Variants in SLC12A8 observed in about 807,000 individuals in gnomAD.
SLC12A8 encodes the protein solute carrier family 12 member 8, also known as cation-chloride cotransporter 9.
In SLC12A8, 69 loss-of-function variants were observed where a neutral mutation model predicts 75.6. The observed-to-expected ratio is 0.91, with a 90% confidence interval of 0.75 to 1.11. The LOEUF (loss-of-function observed/expected upper bound fraction) is 1.11, where lower values mean the gene tolerates loss of function less well. SLC12A8 is among the 50% of genes most tolerant of loss of function. The pLI is 0.00. For missense variants in SLC12A8, 877 were observed against 896.7 expected, an observed-to-expected ratio of 0.98 and a Z score of 0.28; for synonymous variants, 365 against 372.8, an observed-to-expected ratio of 0.98 and a Z score of 0.24.
At chr3:125,165,026 G>T (rs1478072645) in intron 5 of SLC12A8, among the ~76,000 whole-genome samples, 2 of 152,232 alleles carry the variant, frequency 1.3e-5, no homozygotes, top group Non-Finnish European at 2.9e-5. Context: ...GGCCAGGAAG[G>T]TGGCTGGAGA....
rs76239445 is a variant in SLC12A8, at chr3:125,158,947, A to G, written c.622+18796T>C. ...AGACTCAGAAATCTGTTTACAAAGCACTATTCAGATTTCCACAAATGGTCC... is the reference window on the plus strand; with the variant it reads ...AGACTCAGAAATCTGTTTACAAAGCGCTATTCAGATTTCCACAAATGGTCC... On this transcript the variant is annotated intron_variant, in intron 5 of 13. Coordinates refer to ENST00000469902, the MANE Select transcript of SLC12A8 (RefSeq NM_024628.6). 4.0e-3 allele frequency among the ~76,000 whole-genome samples: 611 copies of G among 152,330 alleles called. 7 individuals are homozygous for G. The highest frequency in any genetic ancestry group is 0.014 in the African/African-American group (588 of 41,560).
At chr3:125,145,027 A>T (rs1933739792) in intron 5 of SLC12A8, among the ~76,000 whole-genome samples, 1 of 152,218 alleles carries the variant, frequency 6.6e-6, no homozygotes, top group Admixed American at 6.5e-5. Context: ...GGCCTCCCTC[A>T]GAATGCCATG....
At chr3:125,141,634 C>T (rs1005125319) in intron 5 of SLC12A8, among the ~76,000 whole-genome samples, 2 of 152,130 alleles carry the variant, frequency 1.3e-5, no homozygotes, top group Non-Finnish European at 2.9e-5. Context: ...TGTTGACTAA[C>T]TTAGAAAGCG....
At chr3:125,088,743 T>C (rs964410696) in intron 12 of SLC12A8, among the ~76,000 whole-genome samples, 1 of 152,242 alleles carries the variant, frequency 6.6e-6, no homozygotes, top group Non-Finnish European at 1.5e-5. Flanking sequence ...TAAAATTTTC[T>C]ACTAGACCAT....
intron 2 of SLC12A8, among the ~76,000 whole-genome samples, chr3:125,195,462 G>A (rs1462191594): frequency 1.3e-5 from 2 of 152,232 alleles, no homozygotes; most frequent in Non-Finnish European, 2.9e-5. Flanking sequence ...GATCTGGGCA[G>A]CACCCTTGGT....
At position 125,187,385 on chromosome 3, in the gene SLC12A8, AC is replaced by A; in HGVS notation, c.241del (p.Val81SerfsTer29). On this transcript the variant is annotated frameshift_variant, in exon 4 of 14. Transcript: ENST00000469902. LOFTEE classifies it high-confidence loss of function. The stretch of plus-strand genomic sequence containing the variant: ...CACCGTGACGAGGGCCACCAGGATG[AC>A]GAAGGACACCAGGAACATGCCCAGG... Reference protein sequence around the residue: ...VLLGMFLVSFVILVALVTVLS... With the variant: ...VLLGMFLVSFXILVALVTVLS... 1 of 1,614,168 alleles carries A rather than the reference AC, an allele frequency of 6.2e-7. No individual in the cohort carries two copies. Among genetic ancestry groups the A allele is most frequent in the Non-Finnish European group, 8.5e-7 (1 of 1,180,030 alleles).
Position 125,163,395 on chromosome 3 carries a change from C to T in SLC12A8, c.622+14348G>A, listed in dbSNP as rs145231240. 3.6e-3 allele frequency among the ~76,000 whole-genome samples: 542 copies of T among 151,932 alleles called. 21 individuals are homozygous for T. Among genetic ancestry groups the T allele is most frequent in the Admixed American group, 0.034 (516 of 15,268 alleles). On this transcript the variant is annotated intron_variant, in intron 5 of 13. Transcript: ENST00000469902. ...GGCCGAGGTGGACGGATCACGAGGT[C>T]GGGAGATCGAGACCATCCTGACTAA...
At chr3:125,202,199 C>T (rs1372169562) in intron 2 of SLC12A8, among the ~76,000 whole-genome samples, 1 of 152,218 alleles carries the variant, frequency 6.6e-6, no homozygotes. Context: ...CATGAGCCAC[C>T]TCGCCCAGCC....
chr3:125,163,271 A>G (rs816326), intron 5 of SLC12A8, among the ~76,000 whole-genome samples: 125,550 of 151,788 alleles, frequency 0.83, 52,020 homozygotes, highest in African/African-American at 0.85. Flanking sequence ...CTGCACTCTA[A>G]CCTGGGTGAG....
chr3:125,196,617 T>C (rs683902), intron 2 of SLC12A8, among the ~76,000 whole-genome samples: 139,953 of 152,232 alleles, frequency 0.92, 64,944 homozygotes, highest in South Asian at 0.98. Flanking sequence ...ATTTACATTC[T>C]TTCCCTCTGC....
intron 8 of SLC12A8, 56 bp downstream of exon 8, chr3:125,118,713 A>C (rs1932962083): frequency 3.0e-6 from 4 of 1,346,446 alleles, no homozygotes; most frequent in Non-Finnish European, 3.2e-6. Flanking sequence ...TGTTGGTGAG[A>C]ACAAATAAAT....
chr3:125,201,091 T>G (rs988965435), intron 2 of SLC12A8, among the ~76,000 whole-genome samples: 2 of 152,084 alleles, frequency 1.3e-5, no homozygotes, highest in African/African-American at 4.8e-5. Context: ...GAAGAAGACA[T>G]TCACACAACA....
intron 3 of SLC12A8, 119 bp from the exon 4 acceptor site, chr3:125,187,547 G>T: frequency 1.1e-6 from 1 of 871,234 alleles, no homozygotes; most frequent in Non-Finnish European, 1.8e-6. Context: ...CCAGGGGTGG[G>T]GGCACAGAGT....
chr3:125,103,126 C>T (rs187903319), intron 10 of SLC12A8, among the ~76,000 whole-genome samples: 1 of 152,260 alleles, frequency 6.6e-6, no homozygotes, highest in East Asian at 1.9e-4. Flanking sequence ...CTTGGCACAG[C>T]AGGCACAGCA....
At chr3:125,105,875 C>T (rs896218735) in intron 10 of SLC12A8, among the ~76,000 whole-genome samples, 1 of 152,034 alleles carries the variant, frequency 6.6e-6, no homozygotes, top group Admixed American at 6.6e-5. Context: ...ACTAAAAATA[C>T]AAAAATTAGC....
At chr3:125,198,988 C>T (rs967180045) in intron 2 of SLC12A8, among the ~76,000 whole-genome samples, 13 of 152,060 alleles carry the variant, frequency 8.5e-5, no homozygotes, top group African/African-American at 2.9e-4. Context: ...CCGTGTTAGC[C>T]AGGATGGTCT....
chr3:125,137,382 G>A (rs1240316523), intron 5 of SLC12A8, among the ~76,000 whole-genome samples: 2 of 152,186 alleles, frequency 1.3e-5, no homozygotes, highest in East Asian at 3.8e-4. Flanking sequence ...CAACTTTTCT[G>A]AATGGTTTGG....
chr3:125,205,411 C>A (rs1935207663), intron 2 of SLC12A8, among the ~76,000 whole-genome samples: 1 of 152,010 alleles, frequency 6.6e-6, no homozygotes, highest in Non-Finnish European at 1.5e-5. Context: ...CACTTTCACT[C>A]CAGTTTCTAG....
chr3:125,133,969 T>C (rs1933426326), intron 6 of SLC12A8, among the ~76,000 whole-genome samples: 1 of 152,260 alleles, frequency 6.6e-6, no homozygotes, highest in Admixed American at 6.5e-5. Flanking sequence ...TCTGTCACTA[T>C]AGATTGCATT....
Sources: allele counts gnomAD v4.1 joint callset (sites outside exome capture counted in the v4.1 genomes callset), GRCh38; gene constraint gnomAD v4.1.1; transcripts MANE v1.5; gene names NCBI Gene and HGNC (gene_info 2026-07-23, HGNC 2026-07-21).